Variants in KLHL8 observed in about 807,000 individuals in gnomAD.
KLHL8 encodes kelch-like protein 8.
In KLHL8, 38 loss-of-function variants were observed where a neutral mutation model predicts 63.5. The observed-to-expected ratio is 0.60, with a 90% CI of 0.46 to 0.78. The LOEUF is 0.78. KLHL8 is among the 30% of genes least tolerant of loss of function. The pLI is 0.00. For missense variants in KLHL8, 566 were observed against 752.4 expected, an observed-to-expected ratio of 0.75 and a Z score of 2.90; for synonymous variants, 224 against 254.3, an observed-to-expected ratio of 0.88 and a Z score of 1.13.
chr4:87,232,614 A>G lies in KLHL8; in HGVS notation n.57+7644T>C, dbSNP rs558275502. On this transcript the variant is annotated intron_variant and non_coding_transcript_variant, in intron 1 of 1. Transcript: ENST00000506274. ...TGCCAAATTGTCTTCCAAGATTGTC[A>G]TATCAATGCACACTTTTAAGGTAGT... Among the ~76,000 whole-genome samples the G allele has an allele frequency of 7.9e-5, 12 of 152,362 alleles. No individual in the cohort carries two copies. The East Asian group carries it at 2.1e-3, about 27-fold the overall frequency.
In KLHL8 at chr4:87,170,613, C is replaced by T. The variant is rs1730599756; in HGVS notation, c.1211G>A (p.Arg404Gln). 6.2e-7 allele frequency: 1 copy of T among 1,604,086 alleles called. No individual in the cohort carries two copies. Among genetic ancestry groups the T allele is most frequent in the Non-Finnish European group, 8.5e-7 (1 of 1,177,268 alleles). ...TCCTAAGGAAGCCAAGGCAATTCCT[C>T]GCCTGCAAAGACAATAAAACATACT... ...MMKASMNTKRRGIALASLGGP... is the reference protein window; with the variant it reads ...MMKASMNTKRQGIALASLGGP... Residue 404 changes from arginine to glutamine, a missense_variant and splice_region_variant, in exon 7 of 10, where the codon CGA (arginine) becomes CAA (glutamine). Arg to Gln is a conservative substitution (Grantham distance 43). Coordinates refer to ENST00000273963, the MANE Select transcript of KLHL8 (RefSeq NM_020803.5).
At chr4:87,197,479 A>G (rs1311965033) in intron 1 of KLHL8, among the ~76,000 whole-genome samples, 1 of 152,158 alleles carries the variant, frequency 6.6e-6, no homozygotes, top group African/African-American at 2.4e-5. Flanking sequence ...GTGGAAGCAG[A>G]TTTCTTCATA....
chr4:87,178,773 C>T (rs1730934051), intron 4 of KLHL8, among the ~76,000 whole-genome samples, 153 bp from the exon 5 acceptor site: 1 of 152,128 alleles, frequency 6.6e-6, no homozygotes, highest in Non-Finnish European at 1.5e-5. Flanking sequence ...ATAAAATTTT[C>T]TTCTTGTCCC....
chr4:87,179,030 CTA>C (rs1305543257), intron 4 of KLHL8, among the ~76,000 whole-genome samples: 1 of 152,198 alleles, frequency 6.6e-6, no homozygotes, highest in Non-Finnish European at 1.5e-5. Context: ...CTATTTCCTT[CTA>C]TGTTTTCCAT....
intron 6 of KLHL8, among the ~76,000 whole-genome samples, chr4:87,171,076 T>C (rs1487702734): frequency 6.6e-6 from 1 of 152,168 alleles, no homozygotes; most frequent in East Asian, 1.9e-4. Flanking sequence ...TTAAATTTTA[T>C]ATTACAAGTT....
At chr4:87,182,102 G>A (rs1303317285) in intron 4 of KLHL8, among the ~76,000 whole-genome samples, 2 of 151,638 alleles carry the variant, frequency 1.3e-5, no homozygotes, top group Admixed American at 6.6e-5. Flanking sequence ...GGTTGTGGGC[G>A]CCTGTAGTCC....
chr4:87,208,016 T>C, intron 1 of KLHL8: 1 of 695,526 alleles, frequency 1.4e-6, no homozygotes, highest in South Asian at 1.4e-5. Context: ...GTCAAGATCA[T>C]TTCTTGGTAT....
rs35717106 is a variant in KLHL8, at chr4:87,209,848, G to GTTTTTT, written c.-152+10564_-152+10569dup. On this transcript the variant is annotated intron_variant, in intron 1 of 9. Coordinates refer to ENST00000273963, the MANE Select transcript of KLHL8 (RefSeq NM_020803.5). Reference sequence around the variant, plus strand: ...AATGGCACTTGGTGTTCCGTTTTGGGTTTTTTTTTTTTTTTTTTTTTTGAG... The same window carrying GTTTTTT: ...AATGGCACTTGGTGTTCCGTTTTGGGTTTTTTTTTTTTTTTTTTTTTTTTTTTTGAG... Among the ~76,000 whole-genome samples, 366 of 105,398 alleles carry GTTTTTT rather than the reference G, an allele frequency of 3.5e-3. 2 individuals carry two copies. Among genetic ancestry groups the GTTTTTT allele is most frequent in the African/African-American group, 0.011 (330 of 30,460 alleles). 69.1% of individuals were successfully genotyped at this position (105,398 alleles called of 152,430 possible). A position where few individuals can be genotyped will look rare whatever the true frequency, so the allele number is the denominator to read the frequency against.
At chr4:87,240,014 A>C (rs1733300098) in intron 1 of KLHL8, among the ~76,000 whole-genome samples, 1 of 152,092 alleles carries the variant, frequency 6.6e-6, no homozygotes, top group African/African-American at 2.4e-5. Flanking sequence ...AAGTCCTAAT[A>C]ATTTACTATC....
chr4:87,194,639 A>G (rs1316778515), intron 2 of KLHL8, among the ~76,000 whole-genome samples: 2 of 152,258 alleles, frequency 1.3e-5, no homozygotes, highest in African/African-American at 2.4e-5. Flanking sequence ...CTGAGAGATA[A>G]GAAGAAAGTA....
chr4:87,228,313 G>T (rs181808893), intron 1 of KLHL8, among the ~76,000 whole-genome samples: 8 of 152,266 alleles, frequency 5.3e-5, no homozygotes, highest in Admixed American at 1.3e-4. Flanking sequence ...CCCTGAATTT[G>T]TAGCCATTGG....
At chr4:87,226,748 A>C (rs368012586) in intron 1 of KLHL8, among the ~76,000 whole-genome samples, 1 of 10,304 alleles carries the variant, frequency 9.7e-5, no homozygotes, top group South Asian at 2.4e-3. Flanking sequence ...TTTATATATA[A>C]TATATATTAT....
chr4:87,167,034 C>T (rs561567707), intron 8 of KLHL8: 3 of 232,156 alleles, frequency 1.3e-5, no homozygotes, highest in East Asian at 1.2e-4. Flanking sequence ...TCCAGAGCAA[C>T]GAGGCTGTGG....
chr4:87,192,499 T>TA (rs1385401768), intron 2 of KLHL8, among the ~76,000 whole-genome samples: 2 of 152,194 alleles, frequency 1.3e-5, no homozygotes, highest in African/African-American at 4.8e-5. Flanking sequence ...ACCATTGTGT[T>TA]ACAACTGCAT....
At chr4:87,209,914 C>T (rs1381527885) in intron 1 of KLHL8, among the ~76,000 whole-genome samples, 1 of 139,380 alleles carries the variant, frequency 7.2e-6, no homozygotes, top group South Asian at 2.3e-4. Flanking sequence ...AGTGCAGTGG[C>T]GCAATCTTGG....
intron 1 of KLHL8, among the ~76,000 whole-genome samples, chr4:87,211,165 A>G (rs1034468715): frequency 1.3e-5 from 2 of 152,182 alleles, no homozygotes; most frequent in Non-Finnish European, 2.9e-5. Flanking sequence ...AACACTAGAG[A>G]TTATTTTTCT....
intron 2 of KLHL8, among the ~76,000 whole-genome samples, chr4:87,192,657 T>C (rs953726344): frequency 5.3e-5 from 8 of 152,208 alleles, no homozygotes; most frequent in Non-Finnish European, 1.2e-4. Context: ...AGGATGGGGA[T>C]ACATTCTGAG....
chr4:87,208,454 C>T (rs1732250985), intron 1 of KLHL8, among the ~76,000 whole-genome samples: 1 of 151,550 alleles, frequency 6.6e-6, no homozygotes, highest in Admixed American at 6.6e-5. Flanking sequence ...ACAGCCTTGA[C>T]CTCCCAGGCT....
intron 5 of KLHL8, among the ~76,000 whole-genome samples, chr4:87,178,123 G>GT (rs1406775333): frequency 6.6e-6 from 1 of 151,894 alleles, no homozygotes; most frequent in African/African-American, 2.4e-5. Flanking sequence ...TCAGGAATAA[G>GT]TAAAAAAAAA....
Sources: allele counts gnomAD v4.1 joint callset (sites outside exome capture counted in the v4.1 genomes callset), GRCh38; gene constraint gnomAD v4.1.1; transcripts MANE v1.5; gene names NCBI Gene and HGNC (gene_info 2026-07-23, HGNC 2026-07-21).